GAREM1: variants seen among roughly 807,000 people sequenced by gnomAD.
The protein encoded by GAREM1 is GRB2-associated and regulator of MAPK protein 1.
Under a neutral mutation model 71.3 loss-of-function variants are expected in GAREM1, and 26 were observed. That is an observed-to-expected ratio of 0.36 (90% CI 0.27 to 0.51). The LOEUF (loss-of-function observed/expected upper bound fraction) is 0.51. Ranked by LOEUF, GAREM1 falls within the 20% of genes least tolerant of loss-of-function variation. GAREM1 has a pLI of 0.95. For synonymous variants in GAREM1, 440 were observed against 433.2 expected, an observed-to-expected ratio of 1.02 and a Z score of -0.20; for missense variants, 1,026 against 1,103.1, an observed-to-expected ratio of 0.93 and a Z score of 0.99.
chr18:32,363,152 G>A (rs1312288197), intron 2 of GAREM1, among the ~76,000 whole-genome samples: 2 of 151,170 alleles, frequency 1.3e-5, no homozygotes, highest in Admixed American at 6.6e-5. Context: ...TTTCCCTAGC[G>A]AATGTTACAG....
rs1391684249 is a variant in GAREM1, at chr18:32,264,745, G to C, written c.*3126C>G. Reference sequence around the variant, plus strand: ...TAAAGAAGAGAAAACTTGCAAGATTGATCTGTGAGTGTCTGAATTCTGCCT... The same window carrying C: ...TAAAGAAGAGAAAACTTGCAAGATTCATCTGTGAGTGTCTGAATTCTGCCT... On this transcript the variant is annotated 3_prime_UTR_variant, in exon 6 of 6. Coordinates refer to ENST00000269209, the MANE Select transcript of GAREM1 (RefSeq NM_001242409.2). The C allele has an allele frequency of 6.6e-6, 1 of 152,230 alleles. No homozygotes were observed. Among genetic ancestry groups the C allele is most frequent in the Non-Finnish European group, 1.5e-5 (1 of 68,044 alleles). 9.4% of individuals were successfully genotyped at this position (152,230 alleles called of 1,614,324 possible).
chr18:32,438,573 G>A (rs1242697771), intron 1 of GAREM1, among the ~76,000 whole-genome samples: 1 of 152,202 alleles, frequency 6.6e-6, no homozygotes, highest in Non-Finnish European at 1.5e-5. Context: ...ACAAAGGCGA[G>A]TCAAGAACAA....
intron 1 of GAREM1, among the ~76,000 whole-genome samples, chr18:32,430,189 T>C (rs117291694): frequency 3.3e-4 from 51 of 152,282 alleles, no homozygotes; most frequent in Non-Finnish European, 6.8e-4. Flanking sequence ...TGGCAGAGAA[T>C]GCTGGTATTT....
At chr18:32,399,501 A>C (rs1456458770) in intron 1 of GAREM1, among the ~76,000 whole-genome samples, 1 of 152,216 alleles carries the variant, frequency 6.6e-6, no homozygotes, top group Non-Finnish European at 1.5e-5. Context: ...AATGTGCAAA[A>C]ATCACAAGCA....
At chr18:32,343,457 G>C (rs1048435730) in intron 2 of GAREM1, among the ~76,000 whole-genome samples, 2 of 151,772 alleles carry the variant, frequency 1.3e-5, no homozygotes, top group Non-Finnish European at 2.9e-5. Flanking sequence ...TGAGATTACA[G>C]GCACCCGCCA....
chr18:32,403,716 C>T (rs1440771752), intron 1 of GAREM1, among the ~76,000 whole-genome samples: 1 of 152,206 alleles, frequency 6.6e-6, no homozygotes, highest in Non-Finnish European at 1.5e-5. Context: ...GCTGGGATTA[C>T]AGGTATGAGC....
intron 1 of GAREM1, among the ~76,000 whole-genome samples, chr18:32,449,092 G>A (rs1025637962): frequency 2.6e-5 from 4 of 152,156 alleles, no homozygotes; most frequent in African/African-American, 4.8e-5. Flanking sequence ...AACTGCCTCC[G>A]TTGCTGGCTT....
At chr18:32,351,649 A>G (rs2047752663) in intron 2 of GAREM1, among the ~76,000 whole-genome samples, 1 of 152,150 alleles carries the variant, frequency 6.6e-6, no homozygotes, top group African/African-American at 2.4e-5. Flanking sequence ...AATATTCTAA[A>G]AAATATACAG....
rs2041442347 is a variant in GAREM1, at chr18:32,270,371, ATTC to A, written c.1576_1578del (p.Glu526del). 1.9e-6 allele frequency: 3 copies of A among 1,612,552 alleles called. No homozygotes were observed. The highest frequency in any genetic ancestry group is 2.5e-6 in the Non-Finnish European group (3 of 1,179,624). On this transcript the variant is annotated inframe_deletion, in exon 5 of 6. Coordinates refer to ENST00000269209, the MANE Select transcript of GAREM1 (RefSeq NM_001242409.2). ...ACAGGTGGGGCGTTCAGGAGCCGGC[ATTC>A]TTCTCTGACCTGGCGCAGAAAAGAA...
intron 2 of GAREM1, among the ~76,000 whole-genome samples, chr18:32,366,677 T>C (rs1211455640): frequency 6.6e-6 from 1 of 152,224 alleles, no homozygotes; most frequent in Non-Finnish European, 1.5e-5. Context: ...ATATCAACTC[T>C]GGTTAAAATC....
intron 2 of GAREM1, among the ~76,000 whole-genome samples, chr18:32,370,882 A>C (rs540687677): frequency 2.6e-5 from 4 of 152,292 alleles, no homozygotes; most frequent in South Asian, 2.1e-4. Flanking sequence ...CAGCAATCCA[A>C]ACTACATAGA....
At chr18:32,455,255 A>T (rs971579982) in intron 1 of GAREM1, among the ~76,000 whole-genome samples, 1 of 152,180 alleles carries the variant, frequency 6.6e-6, no homozygotes, top group African/African-American at 2.4e-5. Context: ...TGTGAGATTA[A>T]GAGGAATCAG....
chr18:32,430,843 C>T (rs1253952871), intron 1 of GAREM1, among the ~76,000 whole-genome samples: 1 of 152,330 alleles, frequency 6.6e-6, no homozygotes, highest in South Asian at 2.1e-4. Context: ...ACTCTTGCCA[C>T]TTGGCCCTGT....
intron 1 of GAREM1, among the ~76,000 whole-genome samples, chr18:32,462,960 G>A (rs1327127227): frequency 6.6e-6 from 1 of 152,004 alleles, no homozygotes. Context: ...TTGGCCATTG[G>A]GTACAATGTT....
intron 2 of GAREM1, among the ~76,000 whole-genome samples, chr18:32,316,816 T>C (rs1031780300): frequency 2.6e-5 from 4 of 152,196 alleles, no homozygotes; most frequent in Non-Finnish European, 4.4e-5. Context: ...TAAAATATTT[T>C]CTTAATGTAA....
At position 32,361,258 on chromosome 18, in the gene GAREM1, A is replaced by G. The variant is rs151024798; in HGVS notation, c.262+31637T>C. On this transcript the variant is annotated intron_variant, in intron 2 of 5. Transcript: ENST00000269209. ...GGCTCCTTACTTCTGATCCCACCAT[A>G]ACCACACACACCTGGCCTACTTCCT... is the stretch of plus-strand genomic sequence containing the variant. 2.5e-3 allele frequency among the ~76,000 whole-genome samples: 388 copies of G among 152,250 alleles called. 1 individual carries two copies. Among genetic ancestry groups the G allele is most frequent in the African/African-American group, 9.1e-3 (379 of 41,550 alleles).
At chr18:32,392,378 C>T (rs1421470188) in intron 2 of GAREM1, among the ~76,000 whole-genome samples, 1 of 152,242 alleles carries the variant, frequency 6.6e-6, no homozygotes, top group East Asian at 1.9e-4. Flanking sequence ...GCAGGTATTA[C>T]ACTCATTTAA....
intron 1 of GAREM1, chr18:32,413,118 C>A: frequency 1.3e-5 from 20 of 1,533,504 alleles, no homozygotes; most frequent in Non-Finnish European, 1.8e-5. Context: ...AAAGCTCAAC[C>A]CTCCAATGAA....
chr18:32,338,980 C>T (rs2047624184), intron 2 of GAREM1, among the ~76,000 whole-genome samples: 2 of 152,188 alleles, frequency 1.3e-5, no homozygotes, highest in African/African-American at 4.8e-5. Context: ...GGAATCCTGC[C>T]AGGAGACTGC....
Sources: gnomAD v4.1 joint callset for allele counts (sites outside exome capture counted in the v4.1 genomes callset) on GRCh38, gnomAD v4.1.1 for gene constraint, MANE v1.5 for transcripts, NCBI Gene and HGNC (gene_info 2026-07-23, HGNC 2026-07-21) for gene names.